The following KIAA1217 variants were observed in gnomAD, a reference collection of about 807,000 sequenced individuals.
KIAA1217 encodes sickle tail protein homolog.
A neutral mutation model predicts 163.9 loss-of-function variants in KIAA1217; 88 were observed. The ratio of observed to expected loss-of-function variants is 0.54; its 90% confidence interval spans 0.45 to 0.64. KIAA1217 has a LOEUF of 0.64. KIAA1217 is among the 30% of genes least tolerant of loss of function. KIAA1217 has a pLI of 0.00. For missense variants in KIAA1217, 2,372 were observed against 2,475.0 expected, an observed-to-expected ratio of 0.96 and a Z score of 0.88; for synonymous variants, 903 against 923.1, an observed-to-expected ratio of 0.98 and a Z score of 0.39.
intron 5 of KIAA1217, chr10:24,449,436 C>T (rs950295634): frequency 1.3e-5 from 13 of 984,598 alleles, no homozygotes; most frequent in Non-Finnish European, 1.6e-5. Context: ...AGACAGAACA[C>T]ATGGAAGAAA....
At chr10:24,223,585 CT>C (rs2069973820) in intron 2 of KIAA1217, among the ~76,000 whole-genome samples, 1 of 152,134 alleles carries the variant, frequency 6.6e-6, no homozygotes, top group Non-Finnish European at 1.5e-5. Flanking sequence ...CTTCTGGCAG[CT>C]GTTTTTCTGG....
At chr10:24,141,231 C>CCA (rs1554882509) in intron 2 of KIAA1217, among the ~76,000 whole-genome samples, 6 of 128,074 alleles carry the variant, frequency 4.7e-5, no homozygotes, top group African/African-American at 1.7e-4. Flanking sequence ...ATAAACCCCC[C>CCA]CCCCCCATTT....
At chr10:24,449,466 A>G (rs2061225985) in intron 5 of KIAA1217, 3 of 985,350 alleles carry the variant, frequency 3.0e-6, no homozygotes, top group Non-Finnish European at 2.4e-6. Flanking sequence ...TTAGTTCAGC[A>G]TTGGTTTTAG....
At position 24,494,598 on chromosome 10, in the gene KIAA1217, C is replaced by T. The variant is rs148941784; in HGVS notation, c.1778C>T (p.Ala593Val). The T allele has an allele frequency of 4.4e-5, 71 of 1,598,286 alleles. No individual in the cohort carries two copies. The African/African-American group carries it at 4.8e-4, about 11-fold the overall frequency. ...CCCATTACAAGTTATAGCAAAGATG[C>T]GTCTAGGTAAAAAAGAAGAAAGCCA... ...KGPITSYSKD[A>V]SSEKMMKTTA... The change falls in exon 7 of 21, where the codon GCG becomes GTG. Residue 593 changes from alanine to valine, a missense_variant. Transcript: ENST00000376454.
At chr10:23,990,149 C>G (rs1446924819) in intron 1 of KIAA1217, among the ~76,000 whole-genome samples, 2 of 152,154 alleles carry the variant, frequency 1.3e-5, no homozygotes, top group African/African-American at 2.4e-5. Flanking sequence ...GCAAAAGTAT[C>G]TTCATTGGGA....
chr10:23,748,524 A>AG (rs1269614148), intron 1 of KIAA1217, among the ~76,000 whole-genome samples: 1 of 101,584 alleles, frequency 9.8e-6, no homozygotes, highest in African/African-American at 4.5e-5. Context: ...AGAGGAAAGG[A>AG]AGGAGAGGGG....
intron 2 of KIAA1217, among the ~76,000 whole-genome samples, chr10:24,114,286 C>T (rs2062965862): frequency 6.6e-6 from 1 of 152,076 alleles, no homozygotes; most frequent in Non-Finnish European, 1.5e-5. Context: ...CACATGTATA[C>T]ATAGGTAACT....
chr10:24,369,179 A>G (rs59831913), intron 2 of KIAA1217, among the ~76,000 whole-genome samples: 394 of 139,636 alleles, frequency 2.8e-3, no homozygotes, highest in African/African-American at 9.3e-3. Flanking sequence ...AACTTTCACT[A>G]TGTGTGTGTG....
At chr10:23,751,821 A>G (rs767179157) in intron 1 of KIAA1217, among the ~76,000 whole-genome samples, 8 of 152,194 alleles carry the variant, frequency 5.3e-5, no homozygotes, top group South Asian at 2.1e-4. Flanking sequence ...GTGACTAATT[A>G]CAAGCAGTGT....
In KIAA1217 at chr10:23,790,609, A is replaced by G. The variant is rs1434647210; in HGVS notation, c.-321+95375A>G. Among the ~76,000 whole-genome samples, 2 of 127,690 alleles carry G rather than the reference A, an allele frequency of 1.6e-5. 1 individual carries two copies. The highest frequency in any genetic ancestry group is 4.4e-4 in the South Asian group (2 of 4,510). 83.8% of individuals were successfully genotyped at this position (127,690 alleles called of 152,430 possible). On this transcript the variant is annotated intron_variant, in intron 1 of 18. Coordinates refer to the KIAA1217 transcript ENST00000376462. ...TGTACATATATACATGTACATATAT[A>G]CATATGTATATATACATATATATGT...
At chr10:24,494,705 C>G in intron 7 of KIAA1217, 101 bp downstream of exon 7, 2 of 881,980 alleles carry the variant, frequency 2.3e-6, no homozygotes, top group Non-Finnish European at 3.5e-6. Context: ...GTAATCATTT[C>G]AAGGCTGAAA....
chr10:23,699,682 C>A (rs535210166), intron 1 of KIAA1217, among the ~76,000 whole-genome samples: 1 of 152,130 alleles, frequency 6.6e-6, no homozygotes, highest in African/African-American at 2.4e-5. Context: ...TGGAGTGCAC[C>A]ATTTCAATCA....
chr10:24,321,570 C>T (rs562585079), intron 2 of KIAA1217, among the ~76,000 whole-genome samples: 1 of 151,950 alleles, frequency 6.6e-6, no homozygotes, highest in East Asian at 1.9e-4. Context: ...TGGACACAAC[C>T]CAGGAAGAAT....
intron 2 of KIAA1217, among the ~76,000 whole-genome samples, chr10:24,036,229 G>A (rs1336324495): frequency 6.6e-6 from 1 of 152,214 alleles, no homozygotes; most frequent in Non-Finnish European, 1.5e-5. Context: ...TTCATGGGAA[G>A]GGCTAGCCCC....
intron 5 of KIAA1217, among the ~76,000 whole-genome samples, chr10:24,440,506 T>C (rs2060405646): frequency 6.6e-6 from 1 of 152,180 alleles, no homozygotes; most frequent in South Asian, 2.1e-4. Context: ...ACACCTGTTT[T>C]AACCCTCCAG....
intron 1 of KIAA1217, among the ~76,000 whole-genome samples, chr10:23,988,241 C>A (rs1846066735): frequency 6.6e-6 from 1 of 152,162 alleles, no homozygotes; most frequent in African/African-American, 2.4e-5. Context: ...GGAAGACAGG[C>A]AGAAGCCAGA....
At chr10:23,722,134 G>A (rs1245849309) in intron 1 of KIAA1217, among the ~76,000 whole-genome samples, 1 of 152,182 alleles carries the variant, frequency 6.6e-6, no homozygotes, top group Admixed American at 6.5e-5. Context: ...GAGTTACTTA[G>A]AGTAGTCAAA....
chr10:24,249,428 G>A (rs1165499674), intron 2 of KIAA1217, among the ~76,000 whole-genome samples: 2 of 152,166 alleles, frequency 1.3e-5, no homozygotes, highest in South Asian at 2.1e-4. Context: ...TACAAGTGCT[G>A]TAGGCTTGGG....
At chr10:23,762,537 G>T (rs549071146) in intron 1 of KIAA1217, among the ~76,000 whole-genome samples, 225 of 152,264 alleles carry the variant, frequency 1.5e-3, no homozygotes, top group African/African-American at 5.2e-3. Context: ...CTCAATAGAT[G>T]CAGAAAAAGG....
Sources: gnomAD v4.1 joint callset for allele counts (sites outside exome capture counted in the v4.1 genomes callset) on GRCh38, gnomAD v4.1.1 for gene constraint, MANE v1.5 for transcripts, NCBI Gene and HGNC (gene_info 2026-07-23, HGNC 2026-07-21) for gene names.